BIN3: variants seen among roughly 807,000 people sequenced by gnomAD.
The protein encoded by BIN3 is bridging integrator 3.
Under a neutral mutation model 38.2 loss-of-function variants are expected in BIN3, and 41 were observed. The observed-to-expected ratio is 1.07, with a 90% CI of 0.84 to 1.39. BIN3 has a LOEUF of 1.39. Among genes scored for constraint, BIN3 ranks in the 40% most tolerant of loss-of-function variants. The pLI is 0.00. For synonymous variants in BIN3, 145 were observed against 122.6 expected (o/e 1.18, Z -1.21); for missense variants, 361 against 324.3 (o/e 1.11, Z -0.87).
chr8:22,640,114 C>T (rs1256443062), intron 2 of BIN3, among the ~76,000 whole-genome samples: 5 of 152,036 alleles, frequency 3.3e-5, no homozygotes, highest in African/African-American at 1.2e-4. Flanking sequence ...CCCCCCGCCT[C>T]GGCCTCCCAA....
rs1425984217 is a variant in BIN3 at position 22,620,601 on chromosome 8, A to G, written c.*821T>C. 5.9e-5 allele frequency: 9 copies of G among 152,086 alleles called. No homozygotes were observed. Among genetic ancestry groups the G allele is most frequent in the Admixed American group, 4.6e-4 (7 of 15,268 alleles). The allele number at this position is 152,086 out of a possible 1,614,324, so 9.4% of individuals were successfully genotyped here. A position where few individuals can be genotyped will look rare whatever the true frequency, so the allele number is the denominator to read the frequency against. ...GGGCCAGGGCCGGGGAGGTGCGCAC[A>G]CACCCCTGGCATGCTGGGCTGCCTG... is the stretch of plus-strand genomic sequence containing the variant. On this transcript the variant is annotated 3_prime_UTR_variant, in exon 9 of 9. Transcript: ENST00000276416.
rs201210112 is a variant in BIN3, at chr8:22,620,419, T to G, written c.*1003A>C. The G allele has an allele frequency of 5.2e-5, 6 of 114,782 alleles. No homozygotes were observed. The highest frequency in any genetic ancestry group is 3.0e-4 in the African/African-American group (5 of 16,898). 7.1% of individuals were successfully genotyped at this position (114,782 alleles called of 1,614,324 possible). A position where few individuals can be genotyped will look rare whatever the true frequency, so the allele number is the denominator to read the frequency against. ...TTGACTTTGTATATAAAGTTGGGGT[T>G]TTTTTTTTTTTTTTTTGGCTTGTTT... On this transcript the variant is annotated 3_prime_UTR_variant, in exon 9 of 9. Transcript: ENST00000276416.
chr8:22,644,639 A>C (rs1338505982), intron 2 of BIN3, 116 bp downstream of exon 2: 2 of 954,804 alleles, frequency 2.1e-6, no homozygotes, highest in East Asian at 2.7e-5. Flanking sequence ...AGCAGGAAGA[A>C]GGCCCAGGTT....
In BIN3 at chr8:22,636,905, C is replaced by A; in HGVS notation, c.98+17G>T. The A allele has an allele frequency of 6.2e-7, 1 of 1,610,834 alleles. No individual in the cohort carries two copies. Among genetic ancestry groups the A allele is most frequent in the Non-Finnish European group, 8.5e-7 (1 of 1,177,048 alleles). The stretch of plus-strand genomic sequence containing the variant: ...CCTCCCTGCCTCCCACCTCATCTTT[C>A]TGGGGTTGACACTCACTGCTGAAGT... On this transcript the variant is annotated intron_variant, in intron 3 of 8. Coordinates refer to ENST00000276416, the MANE Select transcript of BIN3 (RefSeq NM_018688.6).
chr8:22,621,645 C>G (rs1165503980), intron 8 of BIN3, 77 bp from the exon 9 acceptor site: 1 of 1,431,608 alleles, frequency 7.0e-7, no homozygotes, highest in Non-Finnish European at 9.7e-7. Context: ...GCTCACACTT[C>G]TCTGCTACCC....
At chr8:22,634,275 A>G (rs141554233) in intron 4 of BIN3, 158 of 306,684 alleles carry the variant, frequency 5.2e-4, no homozygotes, top group African/African-American at 3.3e-3. Flanking sequence ...CTTGTGACAC[A>G]CATAGTTTGG....
Position 22,649,305 on chromosome 8 carries a change from C to T in BIN3, c.9-4502G>A, listed in dbSNP as rs746175314. Among the ~76,000 whole-genome samples the T allele has an allele frequency of 3.9e-5, 6 of 152,296 alleles. No individual in the cohort carries two copies. In the East Asian group the frequency reaches 5.8e-4, roughly 15 times the overall value. On this transcript the variant is annotated intron_variant, in intron 1 of 8. Coordinates refer to ENST00000276416, the MANE Select transcript of BIN3 (RefSeq NM_018688.6). ...GGAAAACTTCTCACCTTCTTCTAAA[C>T]GTCAAAGACTTATTTGGCATTTAAA...
intron 1 of BIN3, among the ~76,000 whole-genome samples, chr8:22,655,580 T>A (rs1204697644): frequency 6.6e-6 from 1 of 152,180 alleles, no homozygotes; most frequent in Non-Finnish European, 1.5e-5. Context: ...AAATCAATTG[T>A]CCATATATGT....
At chr8:22,668,670 G>A (rs975088486) in intron 1 of BIN3, among the ~76,000 whole-genome samples, 2 of 152,236 alleles carry the variant, frequency 1.3e-5, no homozygotes, top group African/African-American at 4.8e-5. Flanking sequence ...AGCTCTGGAG[G>A]GACTGGCGCG....
In BIN3 at chr8:22,630,557, T is replaced by C; in HGVS notation, c.182A>G (p.Lys61Arg). 1.2e-6 allele frequency: 2 copies of C among 1,613,970 alleles called. No homozygotes were observed. The highest frequency in any genetic ancestry group is 1.7e-6 in the Non-Finnish European group (2 of 1,179,844). The change falls in exon 5 of 9, where the codon AAG becomes AGG. Residue 61 changes from lysine to arginine, a missense_variant. Lys to Arg is a conservative substitution (Grantham distance 26, BLOSUM62 2). Coordinates refer to ENST00000276416, the MANE Select transcript of BIN3 (RefSeq NM_018688.6). Reference sequence around the variant, plus strand: ...ATTGGAGAGTAAGTCCAAGGATATCTTCACGGCAGATTTTGACATGGCTGT... The same window carrying C: ...ATTGGAGAGTAAGTCCAAGGATATCCTCACGGCAGATTTTGACATGGCTGT... ...ADLAMSKSAV[K>R]ISLDLLSNPL...
At chr8:22,656,319 G>A (rs528657558) in intron 1 of BIN3, among the ~76,000 whole-genome samples, 14 of 146,946 alleles carry the variant, frequency 9.5e-5, no homozygotes, top group African/African-American at 3.5e-4. Flanking sequence ...CTCTATACAT[G>A]TCTTAGGTTC....
At chr8:22,652,260 T>G (rs1802925864) in intron 1 of BIN3, among the ~76,000 whole-genome samples, 1 of 152,144 alleles carries the variant, frequency 6.6e-6, no homozygotes, top group Non-Finnish European at 1.5e-5. Flanking sequence ...CCTACTCTCA[T>G]CTATGACTGG....
intron 2 of BIN3, among the ~76,000 whole-genome samples, chr8:22,642,521 C>G (rs1802597058): frequency 6.6e-6 from 1 of 152,236 alleles, no homozygotes; most frequent in Non-Finnish European, 1.5e-5. Flanking sequence ...GGAAATCTAG[C>G]TGCCTGGGAC....
At chr8:22,628,812 C>A (rs1217910987) in intron 6 of BIN3, among the ~76,000 whole-genome samples, 1 of 152,190 alleles carries the variant, frequency 6.6e-6, no homozygotes. Flanking sequence ...TCCTTCCCAA[C>A]CAGCCCTGAA....
At chr8:22,622,155 G>C (rs1801846123) in intron 8 of BIN3, among the ~76,000 whole-genome samples, 1 of 152,244 alleles carries the variant, frequency 6.6e-6, no homozygotes, top group South Asian at 2.1e-4. Context: ...GGGACACAGG[G>C]TTGAGGGTGG....
intron 5 of BIN3, among the ~76,000 whole-genome samples, chr8:22,630,218 CAGTA>C (rs1316403179): frequency 2.0e-5 from 3 of 152,188 alleles, no homozygotes; most frequent in African/African-American, 4.8e-5. Context: ...GCAACCCTCA[CAGTA>C]AGTAACATGA....
At chr8:22,663,760 G>A (rs764542369) in intron 1 of BIN3, among the ~76,000 whole-genome samples, 12 of 152,124 alleles carry the variant, frequency 7.9e-5, no homozygotes, top group Non-Finnish European at 1.2e-4. Context: ...CACTCTTGAC[G>A]CATTCTGACT....
At chr8:22,640,869 A>T (rs1802529662) in intron 2 of BIN3, among the ~76,000 whole-genome samples, 1 of 152,114 alleles carries the variant, frequency 6.6e-6, no homozygotes, top group Non-Finnish European at 1.5e-5. Flanking sequence ...GCTGAGGAGA[A>T]GGTCAGGGGT....
chr8:22,643,853 CAG>C (rs1340822034), intron 2 of BIN3, among the ~76,000 whole-genome samples: 1 of 152,224 alleles, frequency 6.6e-6, no homozygotes, highest in African/African-American at 2.4e-5. Context: ...GCTGTCACAT[CAG>C]AGAGGCTCTA....
Sources: allele counts gnomAD v4.1 joint callset (sites outside exome capture counted in the v4.1 genomes callset), GRCh38; gene constraint gnomAD v4.1.1; transcripts MANE v1.5; gene names NCBI Gene and HGNC (gene_info 2026-07-23, HGNC 2026-07-21).